The following PDZRN3 variants were observed in gnomAD, a reference collection of about 807,000 sequenced individuals.
PDZRN3 encodes E3 ubiquitin-protein ligase PDZRN3.
A neutral mutation model predicts 85.7 loss-of-function variants in PDZRN3; 38 were observed. That is an observed-to-expected ratio of 0.44 (90% CI 0.34 to 0.58). The LOEUF is 0.58. Ranked by LOEUF, PDZRN3 falls within the 20% of genes least tolerant of loss-of-function variation. The pLI is 0.01. For missense variants in PDZRN3, 1,629 were observed against 1,506.4 expected (o/e 1.08, Z -1.35); for synonymous variants, 759 against 638.0 (o/e 1.19, Z -2.86).
At chr3:73,481,480 G>A (rs1307476897) in intron 3 of PDZRN3, among the ~76,000 whole-genome samples, 1 of 151,944 alleles carries the variant, frequency 6.6e-6, no homozygotes, top group Admixed American at 6.6e-5. Flanking sequence ...ACAGGCATGC[G>A]CCTTCATGGC....
At chr3:73,439,720 A>G (rs1464693582) in intron 3 of PDZRN3, among the ~76,000 whole-genome samples, 1 of 149,822 alleles carries the variant, frequency 6.7e-6, no homozygotes, top group Admixed American at 6.7e-5. Context: ...ACATCTGCTT[A>G]GGCCCTCATA....
chr3:73,412,727 T>G lies in PDZRN3; in HGVS notation c.919-8332A>C, dbSNP rs552214864. On this transcript the variant is annotated intron_variant, in intron 3 of 9. Transcript: ENST00000263666. ...TAACAGCAGGACCTAACTCACAGAG[T>G]TGTTGCTGGAATTAATTAGGCTCTG... Among the ~76,000 whole-genome samples, 35 of 152,220 alleles carry G rather than the reference T, an allele frequency of 2.3e-4. No individual in the cohort carries two copies. In the South Asian group the frequency reaches 7.3e-3, roughly 32 times the overall value.
At chr3:73,498,260 G>A (rs1022887872) in intron 3 of PDZRN3, among the ~76,000 whole-genome samples, 1 of 152,084 alleles carries the variant, frequency 6.6e-6, no homozygotes, top group African/African-American at 2.4e-5. Flanking sequence ...CATCCACAGT[G>A]ACTTTATGTG....
rs142389758 is a variant in PDZRN3, at chr3:73,441,367, C to T, written c.919-36972G>A. 1.3e-3 allele frequency among the ~76,000 whole-genome samples: 183 copies of T among 139,114 alleles called. 1 individual carries two copies. Among genetic ancestry groups the T allele is most frequent in the African/African-American group, 5.1e-3 (177 of 34,968 alleles). The allele number at this position is 139,114 out of a possible 152,430, so 91.3% of individuals were successfully genotyped here. ...GGCGGAGGTTGCTGTGAGCTGAGGT[C>T]GCACCACTACACTTCAGTCTGGTGA... On this transcript the variant is annotated intron_variant, in intron 3 of 9. Coordinates refer to ENST00000263666, the MANE Select transcript of PDZRN3 (RefSeq NM_015009.3).
chr3:73,522,561 CAA>C (rs1311939704), intron 3 of PDZRN3, among the ~76,000 whole-genome samples: 6 of 152,128 alleles, frequency 3.9e-5, no homozygotes, highest in African/African-American at 1.2e-4. Context: ...ATGTGAGAAT[CAA>C]ATACAGTGAG....
intron 3 of PDZRN3, among the ~76,000 whole-genome samples, chr3:73,413,685 G>T (rs147960605): frequency 1.2e-4 from 18 of 152,286 alleles, no homozygotes; most frequent in Non-Finnish European, 2.4e-4. Flanking sequence ...GGAGGCCGAG[G>T]TGTTCACCGG....
chr3:73,454,947 T>C (rs183992149), intron 3 of PDZRN3, among the ~76,000 whole-genome samples: 3 of 152,234 alleles, frequency 2.0e-5, no homozygotes, highest in Admixed American at 6.5e-5. Flanking sequence ...CTGTAAGAAA[T>C]GTCTTGATTT....
intron 3 of PDZRN3, among the ~76,000 whole-genome samples, chr3:73,452,658 A>G (rs1029569234): frequency 1.3e-5 from 2 of 152,198 alleles, no homozygotes; most frequent in Non-Finnish European, 2.9e-5. Context: ...TTTTTAAAGC[A>G]TATGCATCTC....
chr3:73,576,796 T>C (rs550565206), intron 3 of PDZRN3, among the ~76,000 whole-genome samples: 1 of 152,320 alleles, frequency 6.6e-6, no homozygotes, highest in South Asian at 2.1e-4. Flanking sequence ...TGGTGTGTGT[T>C]ACTATACATT....
At chr3:73,618,981 G>A (rs1171491411) in intron 1 of PDZRN3, among the ~76,000 whole-genome samples, 1 of 152,086 alleles carries the variant, frequency 6.6e-6, no homozygotes, top group Non-Finnish European at 1.5e-5. Flanking sequence ...CAAAGTGTTT[G>A]GACATCTGGA....
At chr3:73,447,136 G>T (rs1702766429) in intron 3 of PDZRN3, among the ~76,000 whole-genome samples, 1 of 149,364 alleles carries the variant, frequency 6.7e-6, no homozygotes, top group Non-Finnish European at 1.5e-5. Context: ...CCATTTATTT[G>T]TCTCTGTATT....
chr3:73,412,470 T>C (rs887669549), intron 3 of PDZRN3, among the ~76,000 whole-genome samples: 1 of 152,180 alleles, frequency 6.6e-6, no homozygotes, highest in African/African-American at 2.4e-5. Context: ...GTGTTTTCTA[T>C]TTTGTGTCAC....
intron 3 of PDZRN3, among the ~76,000 whole-genome samples, chr3:73,444,700 T>A (rs185745891): frequency 6.6e-6 from 1 of 151,886 alleles, no homozygotes; most frequent in African/African-American, 2.4e-5. Flanking sequence ...AGTGGTGGAG[T>A]AAGGAAGGTT....
At chr3:73,597,456 A>G (rs983422827) in intron 3 of PDZRN3, among the ~76,000 whole-genome samples, 8 of 152,314 alleles carry the variant, frequency 5.3e-5, no homozygotes, top group Non-Finnish European at 1.0e-4. Flanking sequence ...TGTACGAAAT[A>G]ATGGTTATTG....
At chr3:73,525,517 A>C (rs928765255) in intron 3 of PDZRN3, among the ~76,000 whole-genome samples, 1 of 152,216 alleles carries the variant, frequency 6.6e-6, no homozygotes, top group African/African-American at 2.4e-5. Context: ...CATGTTCATA[A>C]ATTTGAACAT....
chr3:73,433,772 C>T, intron 3 of PDZRN3: 2 of 1,531,434 alleles, frequency 1.3e-6, no homozygotes, highest in African/African-American at 1.4e-5. Flanking sequence ...AGCTCCCTTA[C>T]AGTGCAGGCA....
At chr3:73,610,383 A>G (rs1249988690) in intron 1 of PDZRN3, among the ~76,000 whole-genome samples, 1 of 152,230 alleles carries the variant, frequency 6.6e-6, no homozygotes, top group African/African-American at 2.4e-5. Context: ...ACCACCATCA[A>G]AAGCATCTAT....
intron 2 of PDZRN3, among the ~76,000 whole-genome samples, chr3:73,602,885 G>C (rs529904520): frequency 6.6e-6 from 1 of 152,142 alleles, no homozygotes; most frequent in African/African-American, 2.4e-5. Flanking sequence ...ACCAATTCGT[G>C]TCTGCCTTAC....
chr3:73,487,878 A>G (rs551145322), intron 3 of PDZRN3, among the ~76,000 whole-genome samples: 1 of 152,322 alleles, frequency 6.6e-6, no homozygotes, highest in East Asian at 1.9e-4. Flanking sequence ...ATTTCACAAC[A>G]GGGCAAAGAC....
Sources: allele counts gnomAD v4.1 joint callset (sites outside exome capture counted in the v4.1 genomes callset), GRCh38; gene constraint gnomAD v4.1.1; transcripts MANE v1.5; gene names NCBI Gene and HGNC (gene_info 2026-07-23, HGNC 2026-07-21).